The following SMURF2 variants were observed in gnomAD, a reference collection of about 807,000 sequenced individuals.
SMURF2 encodes the protein SMAD specific E3 ubiquitin protein ligase 2, also known as E3 ubiquitin-protein ligase SMURF2.
SMURF2 carries 48 observed loss-of-function variants against 109.6 expected under a neutral mutation model. The observed-to-expected ratio is 0.44, with a 90% CI of 0.35 to 0.56. The LOEUF (loss-of-function observed/expected upper bound fraction) is 0.56. Ranked by LOEUF, SMURF2 falls within the 20% of genes least tolerant of loss-of-function variation. The probability of loss-of-function intolerance (pLI) is 0.01; values close to 1 mark genes in which losing one functional copy is unlikely to be tolerated. For synonymous variants in SMURF2, 288 were observed against 317.1 expected (o/e 0.91, Z 0.97); for missense variants, 575 against 909.0 (o/e 0.63, Z 4.72).
At chr17:64,589,742 C>A (rs1257266967) in intron 5 of SMURF2, among the ~76,000 whole-genome samples, 1 of 151,936 alleles carries the variant, frequency 6.6e-6, no homozygotes, top group Non-Finnish European at 1.5e-5. Flanking sequence ...GGAAAACAAG[C>A]TCAGGGTTCC....
intron 1 of SMURF2, among the ~76,000 whole-genome samples, chr17:64,654,782 T>C (rs1239339186): frequency 6.6e-6 from 1 of 152,194 alleles, no homozygotes; most frequent in Non-Finnish European, 1.5e-5. Context: ...TGAGCCGAGA[T>C]GGCGCCATCG....
chr17:64,658,769 T>C (rs1970736076), intron 1 of SMURF2, among the ~76,000 whole-genome samples: 1 of 152,220 alleles, frequency 6.6e-6, no homozygotes, highest in Admixed American at 6.5e-5. Context: ...AGAATATTTT[T>C]CTATCCAAAC....
In SMURF2 at chr17:64,547,730, T is replaced by C. The variant is rs782010756; in HGVS notation, c.1941A>G (p.Thr647=). The C allele has an allele frequency of 4.3e-6, 7 of 1,614,070 alleles. No homozygotes were observed. The highest frequency in any genetic ancestry group is 5.9e-6 in the Non-Finnish European group (7 of 1,180,042). Residue 647 remains threonine (T), a synonymous_variant, in exon 17 of 19, where the codon ACA becomes ACG. Transcript: ENST00000262435. The surrounding 1 kb of genome is among the most constrained non-coding windows in gnomAD (Gnocchi z 4.2). Reference sequence around the variant, plus strand: ...ACCATTTGACAATGTTGCTGTCTGGTGTACAGTGTTTTAACCGGGTGTTTA... The same window carrying C: ...ACCATTTGACAATGTTGCTGTCTGGCGTACAGTGTTTTAACCGGGTGTTTA... The part of the protein sequence containing the change: ...WKVNTRLKHC[T]PDSNIVKWFW...
chr17:64,650,743 T>C (rs1489934958), intron 1 of SMURF2, among the ~76,000 whole-genome samples: 3 of 151,956 alleles, frequency 2.0e-5, no homozygotes, highest in Non-Finnish European at 4.4e-5. Context: ...GGCAGGAGAA[T>C]TGCTTGAACC....
Position 64,584,547 on chromosome 17 carries a change from C to T in SMURF2, c.486-1003G>A, listed in dbSNP as rs373625834. 9.0e-4 allele frequency among the ~76,000 whole-genome samples: 136 copies of T among 151,692 alleles called. 2 individuals are homozygous for T. The South Asian group carries it at 0.016, about 17-fold the overall frequency. On this transcript the variant is annotated intron_variant, in intron 6 of 18. Transcript: ENST00000262435. The stretch of plus-strand genomic sequence containing the variant: ...CTACTTTTTGTATTTTTAGAAGAGA[C>T]GTGGTTTCACCATGTTGGCCAGGAT...
At chr17:64,630,912 T>C (rs546512891) in intron 1 of SMURF2, among the ~76,000 whole-genome samples, 1 of 152,056 alleles carries the variant, frequency 6.6e-6, no homozygotes, top group Admixed American at 6.5e-5. Context: ...AGTGGTAAGG[T>C]CAAGTCAGAA....
At chr17:64,603,667 A>G (rs1969930747) in intron 2 of SMURF2, among the ~76,000 whole-genome samples, 1 of 151,888 alleles carries the variant, frequency 6.6e-6, no homozygotes. Context: ...GGTCTTTACT[A>G]TAAAATTATT....
chr17:64,615,817 A>G, intron 1 of SMURF2, among the ~76,000 whole-genome samples: 1 of 152,168 alleles, frequency 6.6e-6, no homozygotes, highest in East Asian at 1.9e-4. Flanking sequence ...GTATTTATTT[A>G]TTGATGGATA....
At position 64,630,673 on chromosome 17, in the gene SMURF2, A is replaced by C. The variant is rs564981441; in HGVS notation, c.53-24033T>G. On this transcript the variant is annotated intron_variant, in intron 1 of 18. Transcript: ENST00000262435. ...CAATTTTAGCAGAAAAAGGTTTTAT[A>C]ACTATCCTTAGAAAATTATAAGAAT... Among the ~76,000 whole-genome samples the C allele has an allele frequency of 4.6e-5, 7 of 152,368 alleles. No individual in the cohort carries two copies. The East Asian group carries it at 7.7e-4, about 17-fold the overall frequency.
intron 6 of SMURF2, among the ~76,000 whole-genome samples, chr17:64,584,462 G>A (rs1297957567): frequency 1.2e-4 from 18 of 149,054 alleles, no homozygotes; most frequent in African/African-American, 4.0e-4. Context: ...GGGTTCAAGC[G>A]ATTCTTCTGC....
intron 1 of SMURF2, among the ~76,000 whole-genome samples, chr17:64,625,720 A>T (rs1555691101): frequency 6.6e-6 from 1 of 152,152 alleles, no homozygotes; most frequent in Non-Finnish European, 1.5e-5. Context: ...TTCCTAATTC[A>T]GTAGGTCTAT....
intron 1 of SMURF2, among the ~76,000 whole-genome samples, chr17:64,655,223 C>A (rs901562221): frequency 2.4e-4 from 35 of 145,690 alleles, no homozygotes; most frequent in African/African-American, 8.6e-4. Context: ...CAAAGTAAAG[C>A]AATTCTAATG....
intron 1 of SMURF2, among the ~76,000 whole-genome samples, chr17:64,643,208 A>G (rs1338145005): frequency 6.6e-6 from 1 of 151,950 alleles, no homozygotes; most frequent in Non-Finnish European, 1.5e-5. Context: ...TTTTTGGTAG[A>G]GTCGGAGTTT....
At position 64,586,156 on chromosome 17, in the gene SMURF2, T is replaced by C; in HGVS notation, c.415A>G (p.Arg139Gly). ...TGTCCTCCTGTGCCTATTCGGTCTC[T>C]GGACTGAAGACTTACTATTAAATGA... ...RGQIVVSLQS[R>G]DRIGTGGQVV... Residue 139 changes from arginine (R) to glycine (G), a missense_variant, in exon 6 of 19, where the codon AGA (arginine) becomes GGA (glycine). Arg to Gly is a moderately radical substitution (Grantham distance 125, BLOSUM62 -2). Around this residue, in one of 5 missense-constraint regions of SMURF2, gnomAD observed 151 missense variants for 178.4 expected, o/e 0.85. Coordinates refer to ENST00000262435, the MANE Select transcript of SMURF2 (RefSeq NM_022739.4). 2 of 1,604,522 alleles carry C rather than the reference T, an allele frequency of 1.2e-6. No individual in the cohort carries two copies. Among genetic ancestry groups the C allele is most frequent in the Non-Finnish European group, 1.7e-6 (2 of 1,175,272 alleles).
chr17:64,659,312 G>A (rs1970744326), intron 1 of SMURF2, among the ~76,000 whole-genome samples: 1 of 151,998 alleles, frequency 6.6e-6, no homozygotes, highest in African/African-American at 2.4e-5. Flanking sequence ...ATACTAATAT[G>A]GTATTAACTT....
intron 1 of SMURF2, among the ~76,000 whole-genome samples, chr17:64,658,520 T>C (rs1355205418): frequency 6.6e-6 from 1 of 152,230 alleles, no homozygotes; most frequent in Non-Finnish European, 1.5e-5. Flanking sequence ...CCTTACATTA[T>C]AGACAAGGTT....
chr17:64,660,507 T>C (rs759956592), intron 1 of SMURF2, among the ~76,000 whole-genome samples: 21 of 152,200 alleles, frequency 1.4e-4, no homozygotes, highest in Non-Finnish European at 2.4e-4. Context: ...ATGAAAGTAA[T>C]ATATTATTTA....
Position 64,545,081 on chromosome 17 carries a change from A to T in SMURF2, c.*767T>A, listed in dbSNP as rs57118874. On this transcript the variant is annotated 3_prime_UTR_variant, in exon 19 of 19. Transcript: ENST00000262435. Reference sequence around the variant, plus strand: ...AAAAACATTAGGTTTTTTTTTTTTTAAAAGAGTCTCTTAAAAACAGGGAGC... The same window carrying T: ...AAAAACATTAGGTTTTTTTTTTTTTTAAAGAGTCTCTTAAAAACAGGGAGC... 0.19 allele frequency: 29,047 copies of T among 149,762 alleles called. 5,889 individuals carry two copies. The highest frequency in any genetic ancestry group is 0.52 in the African/African-American group (21,050 of 40,196). The allele number at this position is 149,762 out of a possible 1,614,324, so 9.3% of individuals were successfully genotyped here.
intron 1 of SMURF2, among the ~76,000 whole-genome samples, chr17:64,619,078 T>C (rs1555690362): frequency 6.6e-6 from 1 of 152,276 alleles, no homozygotes; most frequent in East Asian, 1.9e-4. Context: ...ACAGAGAACA[T>C]GAGACCAGTA....
Sources: gnomAD v4.1 joint callset for allele counts (sites outside exome capture counted in the v4.1 genomes callset) on GRCh38, gnomAD v4.1.1 for gene constraint, gnomAD v4.1.1 regional missense constraint, Gnocchi (gnomAD v3.1) non-coding constraint, MANE v1.5 for transcripts, NCBI Gene and HGNC (gene_info 2026-07-23, HGNC 2026-07-21) for gene names.